Variants in GANC observed in about 807,000 individuals in gnomAD.
GANC encodes the protein glucosidase alpha, neutral C.
GANC carries 117 observed loss-of-function variants against 124.2 expected under a neutral mutation model. The ratio of observed to expected loss-of-function variants is 0.94; its 90% CI spans 0.81 to 1.10. The LOEUF is 1.10. GANC is among the 50% of genes least tolerant of loss of function. GANC has a pLI of 0.00. For synonymous variants in GANC, 377 were observed against 376.8 expected (o/e 1.00, Z -0.01); for missense variants, 1,140 against 1,095.0 (o/e 1.04, Z -0.58).
intron 8 of GANC, 111 bp from the exon 9 acceptor site, chr15:42,310,172 C>T (rs1220638685): frequency 1.3e-6 from 1 of 784,966 alleles, no homozygotes; most frequent in African/African-American, 1.7e-5. Context: ...AGAGTTGAGC[C>T]TCCAAAGATG....
chr15:42,340,536 G>A lies in GANC; in HGVS notation c.2088-154G>A, dbSNP rs199619257. On this transcript the variant is annotated intron_variant, in intron 17 of 23. Transcript: ENST00000318010. ...GGAGAATCGGTTGAACCCAAGAGGCGGAAACTGCAGTGAGCCAAGATAGCA... is the reference window on the plus strand; with the variant it reads ...GGAGAATCGGTTGAACCCAAGAGGCAGAAACTGCAGTGAGCCAAGATAGCA... Among the ~76,000 whole-genome samples the A allele has an allele frequency of 1.7e-4, 26 of 151,462 alleles. 1 individual carries two copies. In the East Asian group the frequency reaches 3.1e-3, roughly 18 times the overall value.
rs1482357635 is a variant in GANC, at chr15:42,330,623, G to A, written c.1692G>A (p.Glu564=). Residue 564 remains glutamate, a synonymous_variant, in exon 15 of 24, where the codon GAG becomes GAA. Transcript: ENST00000318010. Reference sequence around the variant, plus strand: ...TGATAAAACGATCTAAAGGGAAGGAGAGACCCTTTGTTCTTACACGTTCTT... The same window carrying A: ...TGATAAAACGATCTAAAGGGAAGGAAAGACCCTTTGTTCTTACACGTTCTT... ...EGLIKRSKGK[E]RPFVLTRSFF... is the part of the protein sequence containing the mutation. 1.2e-6 allele frequency: 2 copies of A among 1,611,962 alleles called. No homozygotes were observed. The highest frequency in any genetic ancestry group is 1.3e-5 in the African/African-American group (1 of 74,790).
intron 10 of GANC, among the ~76,000 whole-genome samples, chr15:42,318,618 T>C (rs949195918): frequency 2.0e-5 from 3 of 152,220 alleles, no homozygotes; most frequent in African/African-American, 7.2e-5. Flanking sequence ...GTCAGGGTTT[T>C]GCTCTGTGCC....
intron 3 of GANC, chr15:42,280,887 C>G: frequency 2.9e-6 from 2 of 691,494 alleles, no homozygotes; most frequent in South Asian, 3.0e-5. Context: ...CTTTTTGGAT[C>G]CTGAAAAAGT....
intron 10 of GANC, among the ~76,000 whole-genome samples, chr15:42,316,876 C>G (rs1023215492): frequency 2.0e-5 from 3 of 152,228 alleles, no homozygotes; most frequent in Non-Finnish European, 4.4e-5. Context: ...CTCTTGCCTT[C>G]TAGGTCACTT....
intron 7 of GANC, 79 bp from the exon 8 acceptor site, chr15:42,308,143 C>G: frequency 1.2e-6 from 1 of 859,842 alleles, no homozygotes; most frequent in South Asian, 1.8e-5. Context: ...CTAGTCATCT[C>G]TCTGCACTCA....
Position 42,326,439 on chromosome 15 carries a change from T to A in GANC, c.1420+15T>A. On this transcript the variant is annotated intron_variant, in intron 12 of 23. Transcript: ENST00000318010. Reference sequence around the variant, plus strand: ...GTGTTGGCCAGGTATGAAATCACTTTATACACTTATTATTTCCACATGTTC... The same window carrying A: ...GTGTTGGCCAGGTATGAAATCACTTAATACACTTATTATTTCCACATGTTC... 2 of 1,613,778 alleles carry A rather than the reference T, an allele frequency of 1.2e-6. No homozygotes were observed. The highest frequency in any genetic ancestry group is 1.1e-5 in the South Asian group (1 of 91,044).
chr15:42,313,523 A>G (rs1430189916), intron 10 of GANC, among the ~76,000 whole-genome samples: 1 of 152,208 alleles, frequency 6.6e-6, no homozygotes, highest in Admixed American at 6.5e-5. Context: ...AGAACTGTCT[A>G]CCACTGAGCA....
intron 22 of GANC, among the ~76,000 whole-genome samples, chr15:42,350,706 C>T (rs369797783): frequency 1.3e-5 from 2 of 151,508 alleles, no homozygotes; most frequent in South Asian, 2.1e-4. Flanking sequence ...ATGCCCACCA[C>T]CATGCCTGGC....
intron 11 of GANC, among the ~76,000 whole-genome samples, chr15:42,322,553 C>A (rs1595778065): frequency 1.3e-5 from 2 of 152,100 alleles, no homozygotes; most frequent in East Asian, 3.9e-4. Context: ...CCTGCTGGCA[C>A]CAAAGGAGGG....
chr15:42,300,948 G>A (rs1426671514), intron 6 of GANC, among the ~76,000 whole-genome samples: 3 of 151,940 alleles, frequency 2.0e-5, no homozygotes, highest in Non-Finnish European at 4.4e-5. Context: ...AACCTGGGAG[G>A]TGGAGGTTGC....
At chr15:42,299,258 G>C (rs1412997648) in intron 6 of GANC, among the ~76,000 whole-genome samples, 2 of 152,160 alleles carry the variant, frequency 1.3e-5, no homozygotes, top group East Asian at 1.9e-4. Flanking sequence ...AGTTTATTGA[G>C]AGTTTTTAAC....
At chr15:42,317,670 T>TTAAAAC (rs1661241772) in intron 10 of GANC, among the ~76,000 whole-genome samples, 1 of 152,002 alleles carries the variant, frequency 6.6e-6, no homozygotes, top group South Asian at 2.1e-4. Flanking sequence ...GTAAAGCTGT[T>TTAAAAC]AAAAGTATTG....
Position 42,285,385 on chromosome 15 carries a change from T to A in GANC, c.202-2306T>A, listed in dbSNP as rs1046360552. Among the ~76,000 whole-genome samples, 6 of 152,222 alleles carry A rather than the reference T, an allele frequency of 3.9e-5. No homozygotes were observed. The East Asian group carries it at 1.2e-3, about 29-fold the overall frequency. On this transcript the variant is annotated intron_variant, in intron 3 of 23. Transcript: ENST00000318010. ...TTTACTTATTGGACTTCTGGGAGTCTGCTGATATTTAAAAGAAAGAAAGAA... is the reference window on the plus strand; with the variant it reads ...TTTACTTATTGGACTTCTGGGAGTCAGCTGATATTTAAAAGAAAGAAAGAA...
intron 18 of GANC, among the ~76,000 whole-genome samples, chr15:42,341,726 C>T (rs1326155641): frequency 2.0e-5 from 3 of 152,100 alleles, no homozygotes; most frequent in Admixed American, 6.6e-5. Flanking sequence ...CTATGCCTGG[C>T]TAATTTTTTC....
At chr15:42,304,253 A>G (rs891234419) in intron 6 of GANC, among the ~76,000 whole-genome samples, 1 of 152,212 alleles carries the variant, frequency 6.6e-6, no homozygotes, top group Non-Finnish European at 1.5e-5. Flanking sequence ...CTCCTGAATG[A>G]CTACTGGGTA....
intron 7 of GANC, among the ~76,000 whole-genome samples, chr15:42,306,880 G>C (rs1203125508): frequency 5.3e-5 from 8 of 152,152 alleles, no homozygotes; most frequent in Non-Finnish European, 1.0e-4. Flanking sequence ...TGCTTGCACT[G>C]TTCATCAGAT....
intron 4 of GANC, among the ~76,000 whole-genome samples, chr15:42,289,505 T>A (rs940439711): frequency 6.6e-6 from 1 of 152,200 alleles, no homozygotes; most frequent in Non-Finnish European, 1.5e-5. Flanking sequence ...TCCCGTGATG[T>A]TGTAAGCAAC....
At chr15:42,310,138 C>T in intron 8 of GANC, 145 bp from the exon 9 acceptor site, 1 of 547,008 alleles carries the variant, frequency 1.8e-6, no homozygotes, top group Non-Finnish European at 3.0e-6. Context: ...TAAGTTGGGT[C>T]AGGAAATCTT....
Sources: allele counts gnomAD v4.1 joint callset (sites outside exome capture counted in the v4.1 genomes callset), GRCh38; gene constraint gnomAD v4.1.1; transcripts MANE v1.5; gene names NCBI Gene and HGNC (gene_info 2026-07-23, HGNC 2026-07-21).